Variants in YBX1 observed in about 807,000 individuals in gnomAD.
The protein encoded by YBX1 is Y-box-binding protein 1.
Under a neutral mutation model 41.4 loss-of-function variants are expected in YBX1, and 3 were observed. The observed-to-expected ratio is 0.07, with a 90% CI of 0.03 to 0.19. The LOEUF (loss-of-function observed/expected upper bound fraction) is 0.19. Among genes scored for constraint, YBX1 ranks in the 10% least tolerant of loss-of-function variants. The pLI is 1.00. For synonymous variants in YBX1, 133 were observed against 165.8 expected (o/e 0.80, Z 1.52); for missense variants, 274 against 462.8 (o/e 0.59, Z 3.74).
At position 42,697,056 on chromosome 1, in the gene YBX1, T is replaced by G. The variant is rs1382521862; in HGVS notation, c.657+112T>G. The stretch of plus-strand genomic sequence containing the variant: ...CCTAGTAAGAACCAAAAGGATTAAT[T>G]TATAATGTAGTCACAATTACTAGAT... On this transcript the variant is annotated intron_variant, in intron 5 of 7. Transcript: ENST00000321358. 15 of 1,453,198 alleles carry G rather than the reference T, an allele frequency of 1.0e-5. No homozygotes were observed. In the East Asian group the frequency reaches 3.5e-4, roughly 34 times the overall value. 90.0% of individuals were successfully genotyped at this position (1,453,198 alleles called of 1,614,324 possible).
intron 2 of YBX1, among the ~76,000 whole-genome samples, chr1:42,684,990 GATA>G (rs1427894184): frequency 6.6e-6 from 1 of 152,188 alleles, no homozygotes; most frequent in African/African-American, 2.4e-5. Context: ...TAACAGGAAT[GATA>G]ATGGTCTTCG....
chr1:42,684,728 T>G (rs576907691), intron 2 of YBX1, among the ~76,000 whole-genome samples: 7 of 152,254 alleles, frequency 4.6e-5, no homozygotes, highest in Non-Finnish European at 8.8e-5. Context: ...TTCATTAATT[T>G]TTTGATAATG....
intron 2 of YBX1, 88 bp from the exon 3 acceptor site, chr1:42,693,402 C>T: frequency 6.8e-7 from 1 of 1,469,684 alleles, no homozygotes; most frequent in Non-Finnish European, 9.4e-7. Context: ...ACCTAATTGG[C>T]AGCCAGAGAG....
chr1:42,683,155 C>A, intron 1 of YBX1: 1 of 646,312 alleles, frequency 1.5e-6, no homozygotes, highest in Non-Finnish European at 2.8e-6. Context: ...GCTCTCCGTC[C>A]GCGGCCTGCG....
intron 2 of YBX1, 58 bp downstream of exon 2, chr1:42,683,524 C>T (rs967122636): frequency 1.2e-6 from 2 of 1,601,358 alleles, no homozygotes; most frequent in Non-Finnish European, 1.7e-6. Context: ...CCTGCTCTGT[C>T]GGCTTCTCGG....
chr1:42,701,084 G>C (rs1650589707), intron 7 of YBX1, 38 bp downstream of exon 7: 1 of 1,496,412 alleles, frequency 6.7e-7, no homozygotes, highest in African/African-American at 1.4e-5. Context: ...TATGGCAGTC[G>C]TGAGTGGTGA....
intron 2 of YBX1, among the ~76,000 whole-genome samples, chr1:42,683,768 G>A (rs1650122286): frequency 6.6e-6 from 1 of 152,166 alleles, no homozygotes; most frequent in Non-Finnish European, 1.5e-5. Flanking sequence ...CAGGGTAAAC[G>A]GGAAACTACG....
At position 42,703,755 on chromosome 1, in the gene YBX1, CA is replaced by C. The variant is rs549717328; in HGVS notation, c.*1807del. On this transcript the variant is annotated 3_prime_UTR_variant, in exon 8 of 8. Coordinates refer to ENST00000321358, the MANE Select transcript of YBX1 (RefSeq NM_004559.5). ...AGAGTTGAAAAATCATAAATGAAAC[CA>C]TTGTAAGTTGACTGCAGTGTTGCCA... Among the ~76,000 whole-genome samples the C allele has an allele frequency of 1.3e-5, 2 of 152,078 alleles. No homozygotes were observed. Among genetic ancestry groups the C allele is most frequent in the Non-Finnish European group, 2.9e-5 (2 of 68,026 alleles).
In YBX1 at chr1:42,685,549, A is replaced by G. The variant is rs562667207; in HGVS notation, c.230+2083A>G. 4.6e-5 allele frequency among the ~76,000 whole-genome samples: 7 copies of G among 152,336 alleles called. No individual in the cohort carries two copies. The East Asian group carries it at 1.2e-3, about 25-fold the overall frequency. On this transcript the variant is annotated intron_variant, in intron 2 of 7. Transcript: ENST00000321358. ...TTTGGAAGCTAGCAGTTGGTTCTAT[A>G]TGTAGTTCGTGTAGTGGAACAAATA...
At chr1:42,691,452 T>A (rs1379586139) in intron 2 of YBX1, among the ~76,000 whole-genome samples, 1 of 152,230 alleles carries the variant, frequency 6.6e-6, no homozygotes, top group Non-Finnish European at 1.5e-5. Flanking sequence ...TTTCCGGGAC[T>A]TGAATGGAGG....
intron 3 of YBX1, among the ~76,000 whole-genome samples, chr1:42,695,938 T>C (rs1650447312): frequency 6.6e-6 from 1 of 152,216 alleles, no homozygotes; most frequent in South Asian, 2.1e-4. Context: ...TAAAATGATG[T>C]GTCTGTCTTG....
At chr1:42,693,640 A>G in intron 3 of YBX1, 117 bp downstream of exon 3, 1 of 1,038,090 alleles carries the variant, frequency 9.6e-7, no homozygotes, top group Non-Finnish European at 1.5e-6. Context: ...CAGTTTATTT[A>G]CTTACGACAG....
rs1650636927 is a variant in YBX1, at chr1:42,702,800, C to CTT, written c.*851_*852insTT. ...CTGGTGTGGTCATCAAATATTGGTTCAGCTCCTTATGTCCTAGAGATGGAA... is the reference window on the plus strand; with the variant it reads ...CTGGTGTGGTCATCAAATATTGGTTCTTAGCTCCTTATGTCCTAGAGATGGAA... On this transcript the variant is annotated 3_prime_UTR_variant, in exon 8 of 8. Transcript: ENST00000321358. Among the ~76,000 whole-genome samples the CTT allele has an allele frequency of 6.6e-6, 1 of 152,192 alleles. No homozygotes were observed. Among genetic ancestry groups the CTT allele is most frequent in the South Asian group, 2.1e-4 (1 of 4,828 alleles).
At chr1:42,693,295 T>TA (rs1174976075) in intron 2 of YBX1, among the ~76,000 whole-genome samples, 195 bp from the exon 3 acceptor site, 2 of 151,996 alleles carry the variant, frequency 1.3e-5, no homozygotes, top group African/African-American at 4.8e-5. Context: ...TTGCCTATCT[T>TA]ACGGGTAATG....
At chr1:42,695,688 C>T (rs1341103762) in intron 3 of YBX1, among the ~76,000 whole-genome samples, 2 of 152,182 alleles carry the variant, frequency 1.3e-5, no homozygotes, top group Non-Finnish European at 2.9e-5. Flanking sequence ...AATTGCATTT[C>T]CACTGATGTA....
chr1:42,697,720 A>G (rs1452050629), intron 6 of YBX1, among the ~76,000 whole-genome samples: 2 of 152,144 alleles, frequency 1.3e-5, no homozygotes, highest in Non-Finnish European at 2.9e-5. Flanking sequence ...GCAAAATGAA[A>G]TTGCTCCACC....
At chr1:42,695,675 A>G (rs1244900456) in intron 3 of YBX1, among the ~76,000 whole-genome samples, 2 of 152,242 alleles carry the variant, frequency 1.3e-5, no homozygotes, top group Non-Finnish European at 2.9e-5. Flanking sequence ...GTTAATACAC[A>G]TGAATTGCAT....
At chr1:42,693,819 A>T (rs906049133) in intron 3 of YBX1, among the ~76,000 whole-genome samples, 1 of 152,240 alleles carries the variant, frequency 6.6e-6, no homozygotes, top group Non-Finnish European at 1.5e-5. Flanking sequence ...AGATTATTCC[A>T]TGATTCTAAA....
chr1:42,696,961 A>G lies in YBX1; in HGVS notation c.657+17A>G, dbSNP rs766167340. 2.0e-5 allele frequency: 31 copies of G among 1,543,442 alleles called. No homozygotes were observed. In the Admixed American group the frequency reaches 2.6e-4, roughly 13 times the overall value. On this transcript the variant is annotated intron_variant, in intron 5 of 7. Coordinates refer to ENST00000321358, the MANE Select transcript of YBX1 (RefSeq NM_004559.5). This position sits in a 1 kb window ranked among gnomAD's most constrained non-coding sequence, Gnocchi z 5.7. ...GTGATGGAGGTAAGTTTCACCATCA[A>G]CAACAGCAATGTGATAAGTTCTGGT...
Sources: allele counts gnomAD v4.1 joint callset (sites outside exome capture counted in the v4.1 genomes callset), GRCh38; gene constraint gnomAD v4.1.1; non-coding constraint Gnocchi (gnomAD v3.1); transcripts MANE v1.5; gene names NCBI Gene and HGNC (gene_info 2026-07-23, HGNC 2026-07-21).